Variants in POM121 observed in about 807,000 individuals in gnomAD.
The protein encoded by POM121 is POM121 transmembrane nucleoporin.
A neutral mutation model predicts 81.3 loss-of-function variants in POM121; 32 were observed. The observed-to-expected ratio is 0.39, with a 90% confidence interval of 0.30 to 0.53. The LOEUF is 0.53. Among genes scored for constraint, POM121 ranks in the 20% least tolerant of loss-of-function variants. POM121 has a pLI of 0.66. For synonymous variants in POM121, 514 were observed against 694.2 expected, an observed-to-expected ratio of 0.74 and a Z score of 4.08; for missense variants, 1,138 against 1,614.6, an observed-to-expected ratio of 0.70 and a Z score of 5.06.
Position 72,946,578 on chromosome 7 carries a change from G to A in POM121, c.*344G>A, listed in dbSNP as rs1225713517. ...GCAGGCGCCCCTTCCACCTTTCCCCGAGACCGTCGTCGCTGGAGGGGGCAG... is the reference window on the plus strand; with the variant it reads ...GCAGGCGCCCCTTCCACCTTTCCCCAAGACCGTCGTCGCTGGAGGGGGCAG... On this transcript the variant is annotated 3_prime_UTR_variant, in exon 13 of 13. Transcript: ENST00000434423. 11 of 1,049,352 alleles carry A rather than the reference G, an allele frequency of 1.0e-5. No individual in the cohort carries two copies. Among genetic ancestry groups the A allele is most frequent in the African/African-American group, 5.1e-5 (3 of 58,708 alleles). The allele number at this position is 1,049,352 out of a possible 1,614,324, so 65.0% of individuals were successfully genotyped here.
At chr7:72,939,665 A>G (rs1225981962) in intron 7 of POM121, among the ~76,000 whole-genome samples, 182 bp from the exon 8 acceptor site, 5 of 152,220 alleles carry the variant, frequency 3.3e-5, no homozygotes, top group African/African-American at 1.2e-4. Context: ...ATTACTGCAC[A>G]GTAAGCGGTT....
chr7:72,938,693 TCTC>T lies in POM121; in HGVS notation c.1367+15_1367+17del. The T allele has an allele frequency of 3.7e-6, 6 of 1,612,262 alleles. No homozygotes were observed. In the Middle Eastern group the frequency reaches 9.9e-4, roughly 266 times the overall value. ...GCAAAGAAAATAAGGTACTTGGCAT[TCTC>T]CTGCAGTTTTCATTTGCTGCGTGGA... is the stretch of plus-strand genomic sequence containing the variant. On this transcript the variant is annotated intron_variant, in intron 6 of 12. Coordinates refer to ENST00000434423, the MANE Select transcript of POM121 (RefSeq NM_001387691.1).
intron 3 of POM121, among the ~76,000 whole-genome samples, chr7:72,912,503 G>A (rs1243249223): frequency 6.6e-6 from 1 of 152,142 alleles, no homozygotes; most frequent in Admixed American, 6.6e-5. Context: ...CTGGCCGGGC[G>A]TGGTGGCTCA....
chr7:72,948,499 G>T (rs1426918069), downstream of POM121: 5 of 1,613,400 alleles, frequency 3.1e-6, no homozygotes, highest in African/African-American at 5.4e-5. Flanking sequence ...GTGCAAGGCG[G>T]TGTGCAAGCA....
intron 3 of POM121, among the ~76,000 whole-genome samples, chr7:72,896,190 T>C (rs1395144460): frequency 4.0e-5 from 6 of 151,846 alleles, no homozygotes; most frequent in African/African-American, 9.7e-5. Context: ...TTTAAAAATA[T>C]ATATATATGC....
exon 1 of POM121, chr7:72,879,534 C>A: frequency 3.8e-6 from 1 of 263,524 alleles, no homozygotes; most frequent in South Asian, 3.1e-5. Context: ...GAGGCTCGAG[C>A]CGGGACCCCC....
chr7:72,943,920 A>ATTAC (rs1797398345), intron 11 of POM121, among the ~76,000 whole-genome samples: 1 of 152,172 alleles, frequency 6.6e-6, no homozygotes, highest in African/African-American at 2.4e-5. Flanking sequence ...CCCACCTGTA[A>ATTAC]TCCCAGCTAC....
At chr7:72,949,826 C>T (rs374867283), downstream of POM121, 100 of 1,362,868 alleles carry the variant, frequency 7.3e-5, 1 homozygote, top group Non-Finnish European at 9.0e-5. Flanking sequence ...ATGTCCTCCT[C>T]CTCCTCCTGT....
chr7:72,900,470 T>G (rs1188102640), intron 3 of POM121, among the ~76,000 whole-genome samples: 2 of 152,130 alleles, frequency 1.3e-5, no homozygotes, highest in Non-Finnish European at 2.9e-5. Context: ...AATGTTTCTA[T>G]TTTAACTTCA....
intron 3 of POM121, among the ~76,000 whole-genome samples, chr7:72,900,592 C>T (rs1412605642): frequency 1.3e-5 from 2 of 152,098 alleles, no homozygotes; most frequent in South Asian, 2.1e-4. Flanking sequence ...GCAACCTCCA[C>T]CTCCTGGGTT....
intron 1 of POM121, among the ~76,000 whole-genome samples, chr7:72,880,444 C>T (rs1290539847): frequency 6.6e-6 from 1 of 152,056 alleles, no homozygotes; most frequent in African/African-American, 2.4e-5. Flanking sequence ...TCCTAGTTTT[C>T]TTAATAGAAG....
upstream of POM121, among the ~76,000 whole-genome samples, chr7:72,920,549 T>C (rs1181757197): frequency 1.3e-5 from 2 of 151,490 alleles, no homozygotes; most frequent in Non-Finnish European, 2.9e-5. Context: ...AGAGACGGGG[T>C]TTCACCATGT....
chr7:72,944,613 G>A (rs1554502729), intron 11 of POM121, among the ~76,000 whole-genome samples: 1 of 152,192 alleles, frequency 6.6e-6, no homozygotes, highest in Non-Finnish European at 1.5e-5. Flanking sequence ...GTGCCACCCG[G>A]CCATGGAGAC....
At chr7:72,948,396 C>T, downstream of POM121, 1 of 1,613,384 alleles carries the variant, frequency 6.2e-7, no homozygotes, top group Non-Finnish European at 8.5e-7. Flanking sequence ...AAAACGCAAA[C>T]TGCTGCCTGC....
At chr7:72,895,769 C>T (rs575449568) in intron 3 of POM121, among the ~76,000 whole-genome samples, 25 of 151,870 alleles carry the variant, frequency 1.6e-4, no homozygotes, top group Non-Finnish European at 2.8e-4. Flanking sequence ...ATTAGCCAGG[C>T]GTGGTGGTGC....
chr7:72,914,316 T>C, intron 4 of POM121, among the ~76,000 whole-genome samples: 1 of 152,176 alleles, frequency 6.6e-6, no homozygotes, highest in East Asian at 1.9e-4. Flanking sequence ...ACTCCATGTC[T>C]TCCCAGCTGA....
intron 4 of POM121, among the ~76,000 whole-genome samples, chr7:72,929,423 A>G (rs1795798414): frequency 6.6e-6 from 1 of 152,216 alleles, no homozygotes; most frequent in Non-Finnish European, 1.5e-5. Context: ...TCCTACAGAA[A>G]AGATGCGTAG....
In POM121 at chr7:72,907,550, G is replaced by T. The variant is rs548423446; in HGVS notation, c.-215-6215G>T. Among the ~76,000 whole-genome samples the T allele has an allele frequency of 2.3e-4, 34 of 149,748 alleles. No individual in the cohort carries two copies. In the South Asian group the frequency reaches 7.2e-3, roughly 32 times the overall value. Reference sequence around the variant, plus strand: ...TTTTGAGACAGAGTCTCACTCTGTCGCCCAGGCTGGAGTGCACTGGTGTGA... The same window carrying T: ...TTTTGAGACAGAGTCTCACTCTGTCTCCCAGGCTGGAGTGCACTGGTGTGA... On this transcript the variant is annotated intron_variant, in intron 3 of 15. Transcript: ENST00000395270.
chr7:72,923,485 C>T (rs1394552403), upstream of POM121, among the ~76,000 whole-genome samples: 2 of 151,610 alleles, frequency 1.3e-5, no homozygotes, highest in Non-Finnish European at 2.9e-5. Flanking sequence ...TGCAGTGGCA[C>T]GATCTCGGCT....
Sources: gnomAD v4.1 joint callset for allele counts (sites outside exome capture counted in the v4.1 genomes callset) on GRCh38, gnomAD v4.1.1 for gene constraint, MANE v1.5 for transcripts, NCBI Gene and HGNC (gene_info 2026-07-23, HGNC 2026-07-21) for gene names.